RS1: variants seen among roughly 807,000 people sequenced by gnomAD.
The protein encoded by RS1 is retinoschisin 1.
RS1 carries 2 observed loss-of-function variants against 20.8 expected under a neutral mutation model. The observed-to-expected ratio is 0.10, with a 90% confidence interval of 0.04 to 0.30. The LOEUF (loss-of-function observed/expected upper bound fraction) is 0.30. Among genes scored for constraint, RS1 ranks in the 10% least tolerant of loss-of-function variants. The pLI is 1.00. For synonymous variants in RS1, 70 were observed against 75.8 expected (o/e 0.92, Z 0.40); for missense variants, 151 against 189.8 (o/e 0.80, Z 1.20).
Position 18,644,597 on chromosome X carries a change from T to C in RS1, c.355A>G (p.Ser119Gly). The C allele has an allele frequency of 8.3e-7, 1 of 1,211,663 alleles. No homozygotes were observed. Among genetic ancestry groups the C allele is most frequent in the Non-Finnish European group, 1.1e-6 (1 of 895,405 alleles). The change falls in exon 5 of 6, where the codon AGT (serine) becomes GGT (glycine). Residue 119 changes from serine to glycine, a missense_variant. Transcript: ENST00000379984. ...AGATCTATCTGTAACCACTGGCTAC[T>C]GTCCTGGAACTTGGAGAGCCAGGCA... Reference protein sequence around the residue: ...GCAWLSKFQDSSQWLQIDLKE... With the variant: ...GCAWLSKFQDGSQWLQIDLKE...
At chrX:18,662,795 T>C (rs1247159028) in intron 1 of RS1, among the ~76,000 whole-genome samples, 1 of 109,383 alleles carries the variant, frequency 9.1e-6, no homozygotes, top group Non-Finnish European at 1.9e-5. Context: ...ACCCGGCTAA[T>C]TTTTTGTATT....
chrX:18,666,389 C>T, intron 1 of RS1, among the ~76,000 whole-genome samples: 1 of 111,292 alleles, frequency 9.0e-6, no homozygotes, highest in Non-Finnish European at 1.9e-5. Flanking sequence ...CAGCATGTGC[C>T]AAGCCCTCGA....
chrX:18,647,404 A>G, intron 3 of RS1, 72 bp from the exon 4 acceptor site: 3 of 1,111,208 alleles, frequency 2.7e-6, no homozygotes, highest in Non-Finnish European at 3.7e-6. Context: ...CTGAAATAAC[A>G]AAACAAACCC....
chrX:18,668,559 C>T (rs776723201), intron 1 of RS1, among the ~76,000 whole-genome samples: 2 of 113,027 alleles, frequency 1.8e-5, no homozygotes, highest in South Asian at 7.1e-4. Flanking sequence ...ACAGGAGGAA[C>T]GCACGCAGCA....
At position 18,668,839 on chromosome X, in the gene RS1, C is replaced by T. The variant is rs752772735; in HGVS notation, c.52+3178G>A. ...CCCAGGGGCTGGGGGAGGGGGGAGA[C>T]AGGGAGAATGGGGAGCGAGGGCTTA... is the stretch of plus-strand genomic sequence containing the variant. On this transcript the variant is annotated intron_variant, in intron 1 of 5. Transcript: ENST00000379984. Among the ~76,000 whole-genome samples the T allele has an allele frequency of 1.5e-4, 17 of 111,236 alleles. No homozygotes were observed. In the East Asian group the frequency reaches 2.6e-3, roughly 17 times the overall value.
Position 18,661,096 on chromosome X carries a change from A to G in RS1, c.53-3431T>C, listed in dbSNP as rs183910722. ...GTAGCAGGCCACCAGAGTCCCTGCT[A>G]TGATGTGAATGTTAGTGTCCCCCCA... is the stretch of plus-strand genomic sequence containing the variant. On this transcript the variant is annotated intron_variant, in intron 1 of 5. Coordinates refer to ENST00000379984, the MANE Select transcript of RS1 (RefSeq NM_000330.4). Among the ~76,000 whole-genome samples, 493 of 112,191 alleles carry G rather than the reference A, an allele frequency of 4.4e-3. 1 individual carries two copies. The highest frequency in any genetic ancestry group is 0.014 in the African/African-American group (448 of 30,928).
At chrX:18,654,616 A>G (rs144003921) in intron 3 of RS1, among the ~76,000 whole-genome samples, 1,430 of 111,557 alleles carry the variant, frequency 0.013, 19 homozygotes, top group African/African-American at 0.041. Flanking sequence ...ATTGAGTTAT[A>G]AATGGATTAT....
chrX:18,644,756 AGTCTGAGCCTT>A, intron 4 of RS1, 131 bp from the exon 5 acceptor site: 1 of 594,273 alleles, frequency 1.7e-6, no homozygotes, highest in Non-Finnish European at 2.8e-6. Flanking sequence ...TCTGGGCTGC[AGTCTGAGCCTT>A]GTCTCCTAGG....
chrX:18,653,659 T>C (rs1928147197), intron 3 of RS1: 4 of 1,035,840 alleles, frequency 3.9e-6, no homozygotes, highest in Non-Finnish European at 5.2e-6. Flanking sequence ...TTTCTGAAAA[T>C]ATCTGTGTTG....
At chrX:18,648,204 C>T (rs1204329200) in intron 3 of RS1, among the ~76,000 whole-genome samples, 1 of 110,619 alleles carries the variant, frequency 9.0e-6, no homozygotes, top group Non-Finnish European at 1.9e-5. Context: ...TCAGAGGCTG[C>T]CAATTTTCAA....
chrX:18,656,327 G>A (rs1928213700), intron 3 of RS1, among the ~76,000 whole-genome samples: 2 of 111,613 alleles, frequency 1.8e-5, no homozygotes, highest in Non-Finnish European at 1.9e-5. Context: ...CTCATTCATC[G>A]ATTTCATTGA....
intron 1 of RS1, among the ~76,000 whole-genome samples, chrX:18,664,063 A>G (rs1417911535): frequency 8.9e-6 from 1 of 111,858 alleles, no homozygotes; most frequent in Non-Finnish European, 1.9e-5. Flanking sequence ...CTAAGTAGCT[A>G]CCCACCAGAT....
intron 5 of RS1, 130 bp from the exon 6 acceptor site, chrX:18,642,286 G>A (rs1927613381): frequency 2.9e-6 from 2 of 697,523 alleles, no homozygotes; most frequent in African/African-American, 2.1e-5. Context: ...GTTTGCGGGT[G>A]CCCCCCAAAA....
chrX:18,661,283 G>T (rs1315623695), intron 1 of RS1, among the ~76,000 whole-genome samples: 2 of 111,414 alleles, frequency 1.8e-5, no homozygotes, highest in Non-Finnish European at 3.8e-5. Flanking sequence ...CCATCTCAGG[G>T]CATGCAAGGG....
At chrX:18,664,489 A>G (rs1164262352) in intron 1 of RS1, among the ~76,000 whole-genome samples, 1 of 111,052 alleles carries the variant, frequency 9.0e-6, no homozygotes, top group Non-Finnish European at 1.9e-5. Flanking sequence ...TTAGCCGGCC[A>G]TGGTGGTGCA....
At chrX:18,658,714 C>T (rs756756182) in intron 1 of RS1, among the ~76,000 whole-genome samples, 1 of 110,606 alleles carries the variant, frequency 9.0e-6, no homozygotes, top group African/African-American at 3.3e-5. Flanking sequence ...GCCTTGGCCT[C>T]CCAAAGTGCT....
rs1191836877 is a variant in RS1 at position 18,651,264 on chromosome X, T to TGAGAGA, written c.185-3938_185-3933dup. Among the ~76,000 whole-genome samples the TGAGAGA allele has an allele frequency of 7.6e-3, 524 of 68,992 alleles. 6 individuals are homozygous for TGAGAGA. Among genetic ancestry groups the TGAGAGA allele is most frequent in the African/African-American group, 0.03 (485 of 15,961 alleles). The allele number at this position is 68,992 out of a possible 115,157, so 59.9% of individuals were successfully genotyped here. A position where few individuals can be genotyped will look rare whatever the true frequency, so the allele number is the denominator to read the frequency against. On this transcript the variant is annotated intron_variant, in intron 3 of 5. Transcript: ENST00000379984. ...GTGTGTGTGTGTGTGTGTGTGTGTGTGAGAGAGAGAGAGAGAGAGAGAGAC... is the reference window on the plus strand; with the variant it reads ...GTGTGTGTGTGTGTGTGTGTGTGTGTGAGAGAGAGAGAGAGAGAGAGAGAGAGAGAC...
chrX:18,661,796 T>C (rs112522890), intron 1 of RS1, among the ~76,000 whole-genome samples: 1 of 112,438 alleles, frequency 8.9e-6, no homozygotes, highest in African/African-American at 3.2e-5. Flanking sequence ...TCTCAACGCC[T>C]TCTGCACGTC....
chrX:18,646,130 G>A (rs373898453), intron 4 of RS1: 36 of 1,208,524 alleles, frequency 3.0e-5, no homozygotes, highest in Non-Finnish European at 3.9e-5. Flanking sequence ...CTGCCATAAC[G>A]ACCCTAGACT....
Sources: allele counts gnomAD v4.1 joint callset (sites outside exome capture counted in the v4.1 genomes callset), GRCh38; gene constraint gnomAD v4.1.1; transcripts MANE v1.5; gene names NCBI Gene and HGNC (gene_info 2026-07-23, HGNC 2026-07-21).